The following C10orf67 variants were observed in gnomAD, a reference collection of about 807,000 sequenced individuals.
The protein encoded by C10orf67 is chromosome 10 open reading frame 67.
Under a neutral mutation model 35.6 loss-of-function variants are expected in C10orf67, and 60 were observed. That is an observed-to-expected ratio of 1.68 (90% CI 1.37 to 2.09). C10orf67 has a LOEUF of 2.09. Among genes scored for constraint, C10orf67 ranks in the 30% most tolerant of loss-of-function variants. The pLI is 0.00. For missense variants in C10orf67, 474 were observed against 330.2 expected, an observed-to-expected ratio of 1.44 and a Z score of -3.38; for synonymous variants, 167 against 115.8, an observed-to-expected ratio of 1.44 and a Z score of -2.84.
intron 5 of C10orf67, among the ~76,000 whole-genome samples, chr10:23,300,608 T>C (rs1455529573): frequency 2.0e-5 from 3 of 152,182 alleles, no homozygotes; most frequent in African/African-American, 7.2e-5. Context: ...TCAATGCCTC[T>C]CTTAGTCTCT....
chr10:23,265,843 G>C (rs1400602575), intron 10 of C10orf67, among the ~76,000 whole-genome samples: 1 of 152,230 alleles, frequency 6.6e-6, no homozygotes, highest in South Asian at 2.1e-4. Context: ...GCATGTCTCT[G>C]AGAGTGTGAT....
intron 13 of C10orf67, among the ~76,000 whole-genome samples, chr10:23,225,953 C>A (rs1841728066): frequency 6.6e-6 from 1 of 152,060 alleles, no homozygotes; most frequent in African/African-American, 2.4e-5. Flanking sequence ...CAACAAGAGA[C>A]CTACAAAGAG....
At chr10:23,338,316 C>T (rs1393509365) in intron 1 of C10orf67, among the ~76,000 whole-genome samples, 1 of 152,144 alleles carries the variant, frequency 6.6e-6, no homozygotes, top group Non-Finnish European at 1.5e-5. Context: ...CTTACCAAGG[C>T]TGGCCTGGCT....
At chr10:23,226,735 C>A (rs895771130) in intron 13 of C10orf67, among the ~76,000 whole-genome samples, 2 of 151,914 alleles carry the variant, frequency 1.3e-5, no homozygotes, top group African/African-American at 4.8e-5. Flanking sequence ...CAAATAGATG[C>A]AATAAAAAAT....
chr10:23,295,699 A>G (rs567098555), intron 5 of C10orf67, among the ~76,000 whole-genome samples: 4 of 152,346 alleles, frequency 2.6e-5, no homozygotes, highest in Admixed American at 2.6e-4. Flanking sequence ...ATTAAAAGCA[A>G]ACTATTACAG....
chr10:23,288,417 A>G (rs192393177), intron 7 of C10orf67, among the ~76,000 whole-genome samples: 2 of 152,326 alleles, frequency 1.3e-5, no homozygotes, highest in African/African-American at 4.8e-5. Context: ...GGAGTTGAAC[A>G]TTGAGAATAC....
chr10:23,333,169 C>T lies in C10orf67; in HGVS notation c.220G>A (p.Asp74Asn), dbSNP rs1195802675. 2 of 1,603,724 alleles carry T rather than the reference C, an allele frequency of 1.2e-6. No individual in the cohort carries two copies. The highest frequency in any genetic ancestry group is 1.7e-6 in the Non-Finnish European group (2 of 1,173,208). ...CTGAAAAAGCCAATCTTTAAATCATCTGAAATGTTAAGTCTGAAAACAAAG... is the reference window on the plus strand; with the variant it reads ...CTGAAAAAGCCAATCTTTAAATCATTTGAAATGTTAAGTCTGAAAACAAAG... Reference protein sequence around the residue: ...MRGSTRLNISDDLKIGFFSTD... With the variant: ...MRGSTRLNISNDLKIGFFSTD... The change falls in exon 2 of 16, where the codon GAT becomes AAT. Residue 74 changes from aspartate (D) to asparagine (N), a missense_variant. By Grantham distance (23) the Asp-to-Asn change is conservative (BLOSUM62 1). Coordinates refer to ENST00000636213, the MANE Select transcript of C10orf67 (RefSeq NM_001371909.1).
chr10:23,264,283 G>A (rs1842829897), intron 10 of C10orf67, among the ~76,000 whole-genome samples: 1 of 152,208 alleles, frequency 6.6e-6, no homozygotes, highest in African/African-American at 2.4e-5. Flanking sequence ...TTAACAAAGT[G>A]TAAGTGACGG....
intron 8 of C10orf67, among the ~76,000 whole-genome samples, chr10:23,278,663 G>A (rs1276721738): frequency 6.6e-6 from 1 of 152,210 alleles, no homozygotes; most frequent in East Asian, 1.9e-4. Context: ...GTCAGGGTGG[G>A]AGAAGTTTCC....
At position 23,249,289 on chromosome 10, in the gene C10orf67, G is replaced by A. The variant is rs1027414871; in HGVS notation, c.1346+1166C>T. On this transcript the variant is annotated intron_variant, in intron 12 of 15. Transcript: ENST00000636213. ...AAATAAGAGAAAGTCATTTTATTCA[G>A]CTCTAGAGATAATCCAAAACCTATT... is the stretch of plus-strand genomic sequence containing the variant. Among the ~76,000 whole-genome samples the A allele has an allele frequency of 5.9e-5, 9 of 152,006 alleles. 1 individual carries two copies. Among genetic ancestry groups the A allele is most frequent in the Admixed American group, 5.9e-4 (9 of 15,240 alleles).
intron 15 of C10orf67, among the ~76,000 whole-genome samples, chr10:23,213,771 C>T (rs1297574538): frequency 6.6e-6 from 1 of 151,462 alleles, no homozygotes; most frequent in African/African-American, 2.4e-5. Flanking sequence ...TGTTATCAAC[C>T]TAAAAGAAAG....
In C10orf67 at chr10:23,331,207, A is replaced by ACC. The variant is rs1564518892; in HGVS notation, c.327+1854_327+1855insGG. On this transcript the variant is annotated intron_variant, in intron 2 of 15. Transcript: ENST00000636213. ...AGGGAAGGGAAGGGAAGGGAAGGGA[A>ACC]GAGGGAAGGGAAGGGAAGGGAGGAG... 3.9e-3 allele frequency among the ~76,000 whole-genome samples: 64 copies of ACC among 16,574 alleles called. 5 individuals are homozygous for ACC. The highest frequency in any genetic ancestry group is 6.3e-3 in the Admixed American group (9 of 1,426). The allele number at this position is 16,574 out of a possible 152,430, so 10.9% of individuals were successfully genotyped here.
intron 1 of C10orf67, chr10:23,343,800 C>G: frequency 2.8e-6 from 1 of 356,942 alleles, no homozygotes; most frequent in Admixed American, 3.8e-5. Context: ...AAACAAAAAA[C>G]TGAAGCCCAG....
At chr10:23,205,271 C>T (rs1389101070) in intron 15 of C10orf67, among the ~76,000 whole-genome samples, 1 of 152,138 alleles carries the variant, frequency 6.6e-6, no homozygotes, top group East Asian at 1.9e-4. Context: ...AAAGTAATGT[C>T]CAATGCTACA....
At chr10:23,313,047 C>T (rs997845283) in intron 4 of C10orf67, among the ~76,000 whole-genome samples, 44 of 152,288 alleles carry the variant, frequency 2.9e-4, no homozygotes, top group African/African-American at 1.1e-3. Flanking sequence ...ACCTCCCCAC[C>T]CTCTCTTCTC....
chr10:23,300,878 C>T (rs1178128865), intron 5 of C10orf67, among the ~76,000 whole-genome samples: 1 of 152,206 alleles, frequency 6.6e-6, no homozygotes, highest in Non-Finnish European at 1.5e-5. Context: ...GATCACCAAA[C>T]TCTCAGGCTG....
intron 4 of C10orf67, among the ~76,000 whole-genome samples, chr10:23,309,614 G>C (rs974264130): frequency 6.6e-6 from 1 of 152,194 alleles, no homozygotes; most frequent in African/African-American, 2.4e-5. Context: ...TTATGAGAAA[G>C]TGATGCAGGC....
At chr10:23,330,732 T>A (rs1353096428) in intron 2 of C10orf67, among the ~76,000 whole-genome samples, 4 of 114,292 alleles carry the variant, frequency 3.5e-5, no homozygotes, top group Non-Finnish European at 5.4e-5. Flanking sequence ...AGAGCAAGAC[T>A]CTGTCTCAAA....
chr10:23,292,498 A>G (rs138733466), intron 5 of C10orf67, among the ~76,000 whole-genome samples: 1 of 152,290 alleles, frequency 6.6e-6, no homozygotes, highest in Non-Finnish European at 1.5e-5. Flanking sequence ...CCATGATGGC[A>G]ATAACTAAAA....
Sources: gnomAD v4.1 joint callset for allele counts (sites outside exome capture counted in the v4.1 genomes callset) on GRCh38, gnomAD v4.1.1 for gene constraint, MANE v1.5 for transcripts, NCBI Gene and HGNC (gene_info 2026-07-23, HGNC 2026-07-21) for gene names.